NTRK2: variants seen among roughly 807,000 people sequenced by gnomAD.
NTRK2 encodes the protein neurotrophic receptor tyrosine kinase 2, also known as BDNF/NT-3 growth factors receptor.
NTRK2 carries 13 observed loss-of-function variants against 94.5 expected under a neutral mutation model. The ratio of observed to expected loss-of-function variants is 0.14; its 90% CI spans 0.09 to 0.22. The LOEUF is 0.22. NTRK2 is among the 10% of genes least tolerant of loss of function. The pLI is 1.00. For missense variants in NTRK2, 639 were observed against 1,071.2 expected (o/e 0.60, Z 5.63); for synonymous variants, 372 against 407.4 (o/e 0.91, Z 1.05).
At chr9:84,882,724 G>A (rs536162156) in intron 14 of NTRK2, among the ~76,000 whole-genome samples, 25 of 150,674 alleles carry the variant, frequency 1.7e-4, no homozygotes, top group South Asian at 4.2e-4. Flanking sequence ...GTGTGTGCGC[G>A]CGCGCGCGCA....
intron 12 of NTRK2, among the ~76,000 whole-genome samples, chr9:84,782,805 C>T (rs913672513): frequency 1.3e-5 from 2 of 152,106 alleles, no homozygotes; most frequent in African/African-American, 2.4e-5. Flanking sequence ...CTTGAAAGGA[C>T]TTAGAGATAT....
At chr9:84,911,178 T>C (rs373875849) in intron 14 of NTRK2, among the ~76,000 whole-genome samples, 3 of 152,226 alleles carry the variant, frequency 2.0e-5, no homozygotes, top group Non-Finnish European at 4.4e-5. Context: ...ATTCTTTTGA[T>C]ATATTGCTAA....
intron 12 of NTRK2, among the ~76,000 whole-genome samples, chr9:84,760,312 AT>A (rs2132632501): frequency 6.6e-6 from 1 of 152,316 alleles, no homozygotes; most frequent in East Asian, 1.9e-4. Flanking sequence ...CTTTAAACTA[AT>A]TCTCTAAGAG....
rs13284421 is a variant in NTRK2 at position 84,724,084 on chromosome 9, G to A, written c.721-140G>A. Reference sequence around the variant, plus strand: ...AGAATAACTTCTGATTTACTTCTTCGCCTGAGCCCAGTTCAGGCAGAGAAG... The same window carrying A: ...AGAATAACTTCTGATTTACTTCTTCACCTGAGCCCAGTTCAGGCAGAGAAG... On this transcript the variant is annotated intron_variant, in intron 7 of 18. Coordinates refer to ENST00000277120, the MANE Select transcript of NTRK2 (RefSeq NM_006180.6). 38,833 of 869,482 alleles carry A rather than the reference G, an allele frequency of 0.045. 1,454 individuals carry two copies. The highest frequency in any genetic ancestry group is 0.16 in the African/African-American group (9,484 of 58,814). The allele number at this position is 869,482 out of a possible 1,614,324, so 53.9% of individuals were successfully genotyped here.
chr9:84,891,567 C>T (rs2076596388), intron 14 of NTRK2, among the ~76,000 whole-genome samples: 1 of 152,130 alleles, frequency 6.6e-6, no homozygotes, highest in African/African-American at 2.4e-5. Flanking sequence ...GTGGACATGC[C>T]ACTAGGGAAG....
At chr9:84,777,333 T>C (rs553367142) in intron 12 of NTRK2, among the ~76,000 whole-genome samples, 1 of 152,236 alleles carries the variant, frequency 6.6e-6, no homozygotes, top group Admixed American at 6.5e-5. Context: ...GATTGGAAAA[T>C]AGTAGTAGGA....
rs730240 is a variant in NTRK2, at chr9:84,814,448, C to T, written c.1397-46592C>T. 4.1e-3 allele frequency: 4,299 copies of T among 1,059,674 alleles called. 124 individuals are homozygous for T. The African/African-American group carries it at 0.063, about 16-fold the overall frequency. 65.6% of individuals were successfully genotyped at this position (1,059,674 alleles called of 1,614,324 possible). ...TCTTTAGAGCACTTGACTTTTTTTT[C>T]TCTCTCTCTCTAGTATTCTAAACTG... On this transcript the variant is annotated intron_variant, in intron 12 of 18. Transcript: ENST00000277120.
chr9:84,815,216 T>G, intron 12 of NTRK2: 1 of 1,057,156 alleles, frequency 9.5e-7, no homozygotes, highest in Non-Finnish European at 1.1e-6. Flanking sequence ...AGGCTAGTGT[T>G]GCAGTATAGC....
At chr9:84,750,165 G>A (rs1051248460) in intron 11 of NTRK2, among the ~76,000 whole-genome samples, 2 of 152,174 alleles carry the variant, frequency 1.3e-5, no homozygotes, top group African/African-American at 4.8e-5. Context: ...ACAGTAGGAT[G>A]TTAATAATGC....
At chr9:84,909,470 CTTTAG>C (rs1212240993) in intron 14 of NTRK2, among the ~76,000 whole-genome samples, 2 of 151,378 alleles carry the variant, frequency 1.3e-5, no homozygotes, top group Admixed American at 1.3e-4. Context: ...GTAGTTGCAT[CTTTAG>C]TTTTAGTTGT....
chr9:84,732,426 T>C lies in NTRK2; in HGVS notation c.1159+4467T>C, dbSNP rs570789761. On this transcript the variant is annotated intron_variant, in intron 9 of 18. Coordinates refer to ENST00000277120, the MANE Select transcript of NTRK2 (RefSeq NM_006180.6). ...ATGGGAGTTGGGCTTTGGCTTTTTT[T>C]GTTTTTAAGGTCCCTAGTGATTCTA... Among the ~76,000 whole-genome samples the C allele has an allele frequency of 2.0e-5, 3 of 152,344 alleles. No individual in the cohort carries two copies. The East Asian group carries it at 5.8e-4, about 29-fold the overall frequency.
At chr9:84,897,542 G>A (rs1170813154) in intron 14 of NTRK2, among the ~76,000 whole-genome samples, 1 of 152,184 alleles carries the variant, frequency 6.6e-6, no homozygotes, top group Non-Finnish European at 1.5e-5. Context: ...GCCTATTTCA[G>A]CAGTCATGAT....
At chr9:84,938,230 T>G (rs3780642) in intron 15 of NTRK2, among the ~76,000 whole-genome samples, 9,403 of 152,296 alleles carry the variant, frequency 0.062, 390 homozygotes, top group Admixed American at 0.12. Flanking sequence ...TCCAAATTCT[T>G]TCTTGTCAAC....
chr9:84,824,440 C>A lies in NTRK2; in HGVS notation c.1397-36600C>A, dbSNP rs111455370. On this transcript the variant is annotated intron_variant, in intron 12 of 18. Coordinates refer to ENST00000277120, the MANE Select transcript of NTRK2 (RefSeq NM_006180.6). Reference sequence around the variant, plus strand: ...TGCAGAATTCAGATCATCTTAGACCCTGGCAAATTGGTATGTTGGCCCTGG... The same window carrying A: ...TGCAGAATTCAGATCATCTTAGACCATGGCAAATTGGTATGTTGGCCCTGG... Among the ~76,000 whole-genome samples, 246 of 152,310 alleles carry A rather than the reference C, an allele frequency of 1.6e-3. 2 individuals carry two copies. The highest frequency in any genetic ancestry group is 5.7e-3 in the African/African-American group (236 of 41,570).
At chr9:84,680,172 G>C (rs576696810) in intron 2 of NTRK2, among the ~76,000 whole-genome samples, 1 of 152,306 alleles carries the variant, frequency 6.6e-6, no homozygotes, top group Admixed American at 6.5e-5. Context: ...AAGTAGTTCA[G>C]TGTCACTAGT....
At chr9:84,982,609 G>A (rs1827771060) in intron 17 of NTRK2, among the ~76,000 whole-genome samples, 1 of 152,078 alleles carries the variant, frequency 6.6e-6, no homozygotes, top group Admixed American at 6.6e-5. Context: ...TCTTCATTTA[G>A]CTTTATTTTA....
At chr9:84,720,509 C>T (rs950953861) in intron 6 of NTRK2, among the ~76,000 whole-genome samples, 6 of 152,068 alleles carry the variant, frequency 3.9e-5, no homozygotes, top group Non-Finnish European at 2.9e-5. Context: ...TCAGGTGGTA[C>T]CTAGTAAATT....
At chr9:84,740,393 G>T (rs1317935747) in intron 9 of NTRK2, among the ~76,000 whole-genome samples, 2 of 152,204 alleles carry the variant, frequency 1.3e-5, no homozygotes, top group African/African-American at 4.8e-5. Flanking sequence ...AGTTTGAATT[G>T]GTGTTTGGGA....
chr9:84,814,148 C>A (rs778919186), intron 12 of NTRK2: 26 of 1,065,382 alleles, frequency 2.4e-5, no homozygotes, highest in Non-Finnish European at 2.8e-5. Flanking sequence ...AAATAGGTAG[C>A]AAGGACAAGA....
Sources: allele counts gnomAD v4.1 joint callset (sites outside exome capture counted in the v4.1 genomes callset), GRCh38; gene constraint gnomAD v4.1.1; transcripts MANE v1.5; gene names NCBI Gene and HGNC (gene_info 2026-07-23, HGNC 2026-07-21).